Variants in RETNLB observed in about 807,000 individuals in gnomAD.
RETNLB encodes resistin-like beta.
RETNLB carries 11 observed loss-of-function variants against 6.8 expected under a neutral mutation model. That is an observed-to-expected ratio of 1.62 (90% confidence interval 1.02 to 2.68). RETNLB has a LOEUF of 2.68. RETNLB is among the 30% of genes most tolerant of loss of function. The pLI is 0.00. For missense variants in RETNLB, 146 were observed against 135.7 expected, an observed-to-expected ratio of 1.08 and a Z score of -0.38; for synonymous variants, 57 against 54.2, an observed-to-expected ratio of 1.05 and a Z score of -0.23.
Position 108,755,677 on chromosome 3 carries a change from A to C in RETNLB, c.*101T>G, listed in dbSNP as rs9878093. ...TGTCTTTATTACCCAAGAATCAGGAATGGAACAAATGAAGTGGGACGTTTG... is the reference window on the plus strand; with the variant it reads ...TGTCTTTATTACCCAAGAATCAGGACTGGAACAAATGAAGTGGGACGTTTG... On this transcript the variant is annotated 3_prime_UTR_variant, in exon 3 of 3. Coordinates refer to ENST00000295755, the MANE Select transcript of RETNLB (RefSeq NM_032579.3). 230,920 of 1,324,902 alleles carry C rather than the reference A, an allele frequency of 0.17. 22,074 individuals are homozygous for C. The highest frequency in any genetic ancestry group is 0.2 in the Non-Finnish European group (186,702 of 935,216). The allele number at this position is 1,324,902 out of a possible 1,614,324, so 82.1% of individuals were successfully genotyped here.
chr3:108,756,955 G>A, intron 1 of RETNLB, 104 bp downstream of exon 1: 1 of 1,374,560 alleles, frequency 7.3e-7, no homozygotes, highest in Admixed American at 2.1e-5. Context: ...TCAGGGGTTG[G>A]GCTTGGTTGG....
rs977744608 is a variant in RETNLB, at chr3:108,756,546, C to G, written c.170G>C (p.Ser57Thr). The G allele has an allele frequency of 3.9e-5, 63 of 1,613,620 alleles. No homozygotes were observed. The highest frequency in any genetic ancestry group is 5.2e-5 in the Non-Finnish European group (61 of 1,179,640). ...SPISKKLSCA[S>T]VKSQGRPSSC... ...GGACGGTCTGCCTTGGCTTTTGACA[C>G]TAGCACACGAGAGCTTCTTGCTTAT... is the stretch of plus-strand genomic sequence containing the variant. The change falls in exon 2 of 3, where the codon AGT (serine) becomes ACT (threonine). Residue 57 changes from serine to threonine, a missense_variant. Physicochemically the swap from Ser to Thr is moderately conservative, Grantham distance 58. Coordinates refer to ENST00000295755, the MANE Select transcript of RETNLB (RefSeq NM_032579.3).
intron 1 of RETNLB, 132 bp from the exon 2 acceptor site, chr3:108,756,720 T>C: frequency 1.5e-6 from 1 of 671,086 alleles, no homozygotes; most frequent in Admixed American, 2.7e-5. Flanking sequence ...GCTTTTAAGG[T>C]TAGTTTCCTC....
At chr3:108,757,030 C>T in intron 1 of RETNLB, 29 bp downstream of exon 1, 2 of 1,604,724 alleles carry the variant, frequency 1.2e-6, no homozygotes, top group Non-Finnish European at 8.5e-7. Context: ...AAGGGTCAAC[C>T]CCCCGCTTCC....
chr3:108,756,509 A>T lies in RETNLB; in HGVS notation c.207T>A (p.Ala69=). ...ATTCCCTCTCAGGGAGTTACTCACC[A>T]GCAGGGCAGGAGGACGGTCTGCCTT... is the stretch of plus-strand genomic sequence containing the variant. ...KSQGRPSSCP[A]GMAVTGCACG... The change falls in exon 2 of 3, where the codon GCT becomes GCA. Residue 69 remains alanine (A), a splice_region_variant and synonymous_variant. Transcript: ENST00000295755. The T allele has an allele frequency of 1.9e-6, 3 of 1,606,304 alleles. No homozygotes were observed. The highest frequency in any genetic ancestry group is 1.7e-6 in the Non-Finnish European group (2 of 1,172,856).
intron 1 of RETNLB, 82 bp downstream of exon 1, chr3:108,756,977 G>A: frequency 6.7e-7 from 1 of 1,492,434 alleles, no homozygotes; most frequent in African/African-American, 1.4e-5. Context: ...ATCTTGGGAT[G>A]GGATAGAGAC....
At chr3:108,757,035 G>T in intron 1 of RETNLB, 24 bp downstream of exon 1, 1 of 1,606,520 alleles carries the variant, frequency 6.2e-7, no homozygotes. Flanking sequence ...TCAACCCCCC[G>T]CTTCCCCTAC....
chr3:108,756,429 G>A, intron 2 of RETNLB, 79 bp downstream of exon 2: 5 of 971,814 alleles, frequency 5.1e-6, no homozygotes, highest in South Asian at 2.6e-5. Context: ...TGACATGGGG[G>A]AAGACGTAGG....
Position 108,757,109 on chromosome 3 carries a change from GA to G in RETNLB, c.76del (p.Ser26ProfsTer2). The G allele has an allele frequency of 6.2e-7, 1 of 1,613,934 alleles. No homozygotes were observed. The highest frequency in any genetic ancestry group is 8.5e-7 in the Non-Finnish European group (1 of 1,179,934). ...QLINPGSTQC[S>X]LDSVMDKKIK... ...CTTCTTATCCATAACGGAGTCTAAG[GA>G]ACACTGAGTACTCCCCGGGTTGATC... On this transcript the variant is annotated frameshift_variant, in exon 1 of 3. Transcript: ENST00000295755. LOFTEE classifies it high-confidence loss of function.
chr3:108,757,105 T>G lies in RETNLB; in HGVS notation c.81A>C (p.Leu27Phe). 1 of 1,613,834 alleles carries G rather than the reference T, an allele frequency of 6.2e-7. No homozygotes were observed. The highest frequency in any genetic ancestry group is 8.5e-7 in the Non-Finnish European group (1 of 1,179,904). The change falls in exon 1 of 3, where the codon TTA (leucine) becomes TTC (phenylalanine). Residue 27 changes from leucine (L) to phenylalanine (F), a missense_variant. Leu to Phe is a conservative substitution (Grantham distance 22). Transcript: ENST00000295755. ...LINPGSTQCS[L>F]DSVMDKKIKD... is the part of the protein sequence containing the mutation. ...TGATCTTCTTATCCATAACGGAGTC[T>G]AAGGAACACTGAGTACTCCCCGGGT...
chr3:108,756,000 G>T (rs1183768037), intron 2 of RETNLB, 95 bp from the exon 3 acceptor site: 11 of 1,455,018 alleles, frequency 7.6e-6, no homozygotes, highest in Non-Finnish European at 1.0e-5. Flanking sequence ...TGCAGTCAGG[G>T]GTAGAGCTAG....
At chr3:108,756,677 G>A in intron 1 of RETNLB, 89 bp from the exon 2 acceptor site, 3 of 915,954 alleles carry the variant, frequency 3.3e-6, no homozygotes, top group Admixed American at 1.8e-5. Context: ...TACCTTGGAG[G>A]TGACACTGTG....
In RETNLB at chr3:108,757,232, A is replaced by T. The variant is rs1178710448; in HGVS notation, c.-47T>A. ...GGGGCTGGGAGAAAAGATGGAAAGC[A>T]GCTTAGATCTCTGAGCTCCTGGGTG... is the stretch of plus-strand genomic sequence containing the variant. On this transcript the variant is annotated 5_prime_UTR_variant, in exon 1 of 3. Coordinates refer to ENST00000295755, the MANE Select transcript of RETNLB (RefSeq NM_032579.3). The T allele has an allele frequency of 6.3e-7, 1 of 1,582,166 alleles. No homozygotes were observed. Among genetic ancestry groups the T allele is most frequent in the Non-Finnish European group, 8.6e-7 (1 of 1,163,152 alleles).
chr3:108,756,978 G>A (rs978235940), intron 1 of RETNLB, 81 bp downstream of exon 1: 34 of 1,503,782 alleles, frequency 2.3e-5, no homozygotes, highest in South Asian at 5.3e-5. Flanking sequence ...TCTTGGGATG[G>A]GATAGAGACA....
rs770255778 is a variant in RETNLB at position 108,755,740 on chromosome 3, G to C, written c.*38C>G. 1 of 1,606,794 alleles carries C rather than the reference G, an allele frequency of 6.2e-7. No individual in the cohort carries two copies. The highest frequency in any genetic ancestry group is 1.1e-5 in the South Asian group (1 of 90,804). Reference sequence around the variant, plus strand: ...TGGTTGGGACCCTGGTTTCATTACTGTCATGGTCACAAAACTGAGTTCTCA... The same window carrying C: ...TGGTTGGGACCCTGGTTTCATTACTCTCATGGTCACAAAACTGAGTTCTCA... On this transcript the variant is annotated 3_prime_UTR_variant, in exon 3 of 3. Transcript: ENST00000295755.
intron 2 of RETNLB, 29 bp from the exon 3 acceptor site, chr3:108,755,934 A>C (rs759527709): frequency 1.2e-6 from 2 of 1,613,932 alleles, no homozygotes; most frequent in East Asian, 4.5e-5. Context: ...CACAGACATC[A>C]GAGCTCTTGG....
chr3:108,756,695 T>A, intron 1 of RETNLB, 107 bp from the exon 2 acceptor site: 1 of 777,952 alleles, frequency 1.3e-6, no homozygotes, highest in Non-Finnish European at 2.2e-6. Flanking sequence ...GTGTCCAGAA[T>A]CAGCCTACTC....
At position 108,756,545 on chromosome 3, in the gene RETNLB, A is replaced by C. The variant is rs759368421; in HGVS notation, c.171T>G (p.Ser57Arg). 1.2e-6 allele frequency: 2 copies of C among 1,613,686 alleles called. No individual in the cohort carries two copies. Among genetic ancestry groups the C allele is most frequent in the African/African-American group, 1.3e-5 (1 of 75,034 alleles). ...AGGACGGTCTGCCTTGGCTTTTGAC[A>C]CTAGCACACGAGAGCTTCTTGCTTA... is the stretch of plus-strand genomic sequence containing the variant. ...SPISKKLSCA[S>R]VKSQGRPSSC... Residue 57 changes from serine to arginine, a missense_variant, in exon 2 of 3, where the codon AGT becomes AGG. Transcript: ENST00000295755.
intron 1 of RETNLB, 167 bp from the exon 2 acceptor site, chr3:108,756,755 G>A: frequency 1.6e-6 from 1 of 610,306 alleles, no homozygotes; most frequent in Non-Finnish European, 2.9e-6. Context: ...AGTAATAGTT[G>A]TCCTTACCTC....
Sources: gnomAD v4.1 joint callset for allele counts on GRCh38, gnomAD v4.1.1 for gene constraint, MANE v1.5 for transcripts, NCBI Gene and HGNC (gene_info 2026-07-23, HGNC 2026-07-21) for gene names.